Variants in MAP3K4 observed in about 807,000 individuals in gnomAD.
The protein encoded by MAP3K4 is mitogen-activated protein kinase kinase kinase 4, also known as MAP three kinase 1.
A neutral mutation model predicts 185.6 loss-of-function variants in MAP3K4; 67 were observed. That is an observed-to-expected ratio of 0.36 (90% CI 0.30 to 0.44). MAP3K4 has a LOEUF of 0.44. MAP3K4 is among the 20% of genes least tolerant of loss of function. The pLI is 1.00. For synonymous variants in MAP3K4, 702 were observed against 710.4 expected (o/e 0.99, Z 0.19); for missense variants, 1,551 against 1,995.1 (o/e 0.78, Z 4.24).
Position 161,063,770 on chromosome 6 carries a change from A to G in MAP3K4, c.1708-6838A>G, listed in dbSNP as rs73784733. Among the ~76,000 whole-genome samples, 1,144 of 152,250 alleles carry G rather than the reference A, an allele frequency of 7.5e-3. 12 individuals are homozygous for G. The highest frequency in any genetic ancestry group is 0.065 in the Middle Eastern group (19 of 294). On this transcript the variant is annotated intron_variant, in intron 3 of 26. Coordinates refer to ENST00000392142, the MANE Select transcript of MAP3K4 (RefSeq NM_005922.4). The surrounding 1 kb of genome is among the most constrained non-coding windows in gnomAD (Gnocchi z 5.4). Reference sequence around the variant, plus strand: ...GCCTTCACTCATGAATAGTGCCAAAATCATTCCTAATTTCACAGAAGTTCT... The same window carrying G: ...GCCTTCACTCATGAATAGTGCCAAAGTCATTCCTAATTTCACAGAAGTTCT...
In MAP3K4 at chr6:161,082,167, AT is replaced by A. The variant is rs1785490993; in HGVS notation, c.2255+1130del. On this transcript the variant is annotated intron_variant, in intron 6 of 26. Coordinates refer to ENST00000392142, the MANE Select transcript of MAP3K4 (RefSeq NM_005922.4). This position sits in a 1 kb window ranked among gnomAD's most constrained non-coding sequence, Gnocchi z 4.2. The stretch of plus-strand genomic sequence containing the variant: ...TCATAACTCCATCCGTCAGGCTGTG[AT>A]CCCCAGGCTGTCTTTGCTTGTCTGT... Among the ~76,000 whole-genome samples, 1 of 151,734 alleles carries A rather than the reference AT, an allele frequency of 6.6e-6. No individual in the cohort carries two copies. Among genetic ancestry groups the A allele is most frequent in the African/African-American group, 2.4e-5 (1 of 41,280 alleles).
At position 161,087,477 on chromosome 6, in the gene MAP3K4, G is replaced by A. The variant is rs1311120892; in HGVS notation, c.2557-211G>A. On this transcript the variant is annotated intron_variant, in intron 9 of 26. Transcript: ENST00000392142. This position sits in a 1 kb window ranked among gnomAD's most constrained non-coding sequence, Gnocchi z 4.9. ...TCCAATAATCGGGGAGACTCTGTAA[G>A]GCCTCTCCTCCAGTGCGTTCACAGA... Among the ~76,000 whole-genome samples the A allele has an allele frequency of 1.3e-5, 2 of 152,206 alleles. No homozygotes were observed. Among genetic ancestry groups the A allele is most frequent in the African/African-American group, 4.8e-5 (2 of 41,544 alleles).
rs1783077418 is a variant in MAP3K4 at position 161,034,581 on chromosome 6, T to TG, written c.343+133dup. ...GCTCCTGTAAAGTTCAATTTTTTTT[T>TG]GAATTATTACCATTAGTATTAATAA... is the stretch of plus-strand genomic sequence containing the variant. On this transcript the variant is annotated intron_variant, in intron 2 of 26. Transcript: ENST00000392142. The surrounding 1 kb of genome is among the most constrained non-coding windows in gnomAD (Gnocchi z 4.4). 14 of 726,582 alleles carry TG rather than the reference T, an allele frequency of 1.9e-5. No homozygotes were observed. The highest frequency in any genetic ancestry group is 3.1e-5 in the Non-Finnish European group (14 of 458,224). The allele number at this position is 726,582 out of a possible 1,614,324, so 45.0% of individuals were successfully genotyped here.
chr6:161,031,597 C>G (rs1247970026), intron 1 of MAP3K4, among the ~76,000 whole-genome samples: 1 of 152,090 alleles, frequency 6.6e-6, no homozygotes, highest in Non-Finnish European at 1.5e-5. Context: ...TATTATCAGT[C>G]CCTCCTCACA....
chr6:161,059,895 T>C (rs2114788460), intron 3 of MAP3K4, among the ~76,000 whole-genome samples: 1 of 149,594 alleles, frequency 6.7e-6, no homozygotes. Context: ...AGAAGCAGGG[T>C]CATTTATCCT....
At chr6:161,038,234 G>A (rs1386755974) in intron 2 of MAP3K4, among the ~76,000 whole-genome samples, 1 of 152,170 alleles carries the variant, frequency 6.6e-6, no homozygotes, top group Non-Finnish European at 1.5e-5. Context: ...ATGACCAACA[G>A]TACAGGCTCA....
Position 161,070,968 on chromosome 6 carries a change from CTGTT to C in MAP3K4, c.1950+122_1950+125del, listed in dbSNP as rs1214272992. The stretch of plus-strand genomic sequence containing the variant: ...AATTGTCGCAAATAGTGAAAAATGA[CTGTT>C]TGTCCATGGTTTTAAGCTGTATATT... On this transcript the variant is annotated intron_variant, in intron 4 of 26. Coordinates refer to ENST00000392142, the MANE Select transcript of MAP3K4 (RefSeq NM_005922.4). The surrounding 1 kb of genome is among the most constrained non-coding windows in gnomAD (Gnocchi z 4.5). 14 of 971,330 alleles carry C rather than the reference CTGTT, an allele frequency of 1.4e-5. No individual in the cohort carries two copies. In the East Asian group the frequency reaches 1.9e-4, roughly 13 times the overall value. 60.2% of individuals were successfully genotyped at this position (971,330 alleles called of 1,614,324 possible). A position where few individuals can be genotyped will look rare whatever the true frequency, so the allele number is the denominator to read the frequency against.
rs529232145 is a variant in MAP3K4 at position 161,071,023 on chromosome 6, T to C, written c.1950+173T>C. Among the ~76,000 whole-genome samples the C allele has an allele frequency of 5.3e-5, 8 of 152,336 alleles. No homozygotes were observed. The highest frequency in any genetic ancestry group is 1.4e-4 in the African/African-American group (6 of 41,590). The stretch of plus-strand genomic sequence containing the variant: ...TTAGGGTAATTAAAAATGTTCTTTA[T>C]ATGCGGTCCTCAAAGGTAAGATTGT... On this transcript the variant is annotated intron_variant, in intron 4 of 26. Coordinates refer to ENST00000392142, the MANE Select transcript of MAP3K4 (RefSeq NM_005922.4). The surrounding 1 kb of genome is among the most constrained non-coding windows in gnomAD (Gnocchi z 4.6).
intron 13 of MAP3K4, 85 bp from the exon 14 acceptor site, chr6:161,092,893 T>C: frequency 2.7e-6 from 2 of 747,494 alleles, no homozygotes; most frequent in Non-Finnish European, 2.3e-6. Flanking sequence ...ATTATAATTA[T>C]GTTACTTTTC....
rs1363109651 is a variant in MAP3K4 at position 161,110,766 on chromosome 6, A to G, written c.4396+852A>G. 3.9e-5 allele frequency among the ~76,000 whole-genome samples: 6 copies of G among 152,110 alleles called. No homozygotes were observed. Among genetic ancestry groups the G allele is most frequent in the Admixed American group, 1.3e-4 (2 of 15,276 alleles). The stretch of plus-strand genomic sequence containing the variant: ...TGTGGCTCACCCTGAATCACCCAGC[A>G]TACACCGGTCTCATTGGCTGCCTGC... On this transcript the variant is annotated intron_variant, in intron 23 of 26. Coordinates refer to ENST00000392142, the MANE Select transcript of MAP3K4 (RefSeq NM_005922.4). The surrounding 1 kb of genome is among the most constrained non-coding windows in gnomAD (Gnocchi z 4.8).
At chr6:161,092,948 A>G in intron 13 of MAP3K4, 30 bp from the exon 14 acceptor site, 3 of 1,391,886 alleles carry the variant, frequency 2.2e-6, no homozygotes, top group Non-Finnish European at 3.1e-6. Flanking sequence ...CTTGGTTGTT[A>G]TGTGATTACT....
intron 1 of MAP3K4, among the ~76,000 whole-genome samples, chr6:161,010,240 C>T (rs147482885): frequency 6.6e-6 from 1 of 152,188 alleles, no homozygotes; most frequent in African/African-American, 2.4e-5. Flanking sequence ...ACATGAGATG[C>T]CCAGGATGTT....
rs3050257 is a variant in MAP3K4 at position 161,047,117 on chromosome 6, C to CATATATATATATAT, written c.344-1484_344-1471dup. 3.4e-3 allele frequency among the ~76,000 whole-genome samples: 459 copies of CATATATATATATAT among 134,928 alleles called. 6 individuals are homozygous for CATATATATATATAT. Among genetic ancestry groups the CATATATATATATAT allele is most frequent in the African/African-American group, 0.013 (426 of 33,794 alleles). The allele number at this position is 134,928 out of a possible 152,430, so 88.5% of individuals were successfully genotyped here. On this transcript the variant is annotated intron_variant, in intron 2 of 26. Transcript: ENST00000392142. The stretch of plus-strand genomic sequence containing the variant: ...TATGTAGATATATATTTCACTTATG[C>CATATATATATATAT]ATATATATATATATATATATATATA...
intron 1 of MAP3K4, 194 bp downstream of exon 1, chr6:160,992,277 C>T (rs920880587): frequency 8.8e-5 from 63 of 711,970 alleles, no homozygotes; most frequent in Non-Finnish European, 1.2e-4. Flanking sequence ...GGCGACTCCT[C>T]CCGGGGTTGC....
intron 1 of MAP3K4, among the ~76,000 whole-genome samples, chr6:161,002,009 T>TCC (rs142887396): frequency 6.7e-6 from 1 of 148,432 alleles, no homozygotes; most frequent in African/African-American, 2.5e-5. Flanking sequence ...AAGAAACATT[T>TCC]CCCCCCCAAC....
At chr6:161,094,323 C>T (rs557938201) in intron 15 of MAP3K4, among the ~76,000 whole-genome samples, 1 of 152,300 alleles carries the variant, frequency 6.6e-6, no homozygotes, top group Non-Finnish European at 1.5e-5. Context: ...GTAGTAAATT[C>T]TGATTTGGTT....
rs527548763 is a variant in MAP3K4, at chr6:161,071,773, T to C, written c.1950+923T>C. ...GCTCTGTTTCCATGTTAGCTCCCCT[T>C]CCTTCTCACCCTCTTGTTTCTGGTT... On this transcript the variant is annotated intron_variant, in intron 4 of 26. Transcript: ENST00000392142. The surrounding 1 kb of genome is among the most constrained non-coding windows in gnomAD (Gnocchi z 4.6). Among the ~76,000 whole-genome samples the C allele has an allele frequency of 5.9e-5, 9 of 152,346 alleles. No individual in the cohort carries two copies. Among genetic ancestry groups the C allele is most frequent in the Middle Eastern group, 3.4e-3 (1 of 294 alleles).
At chr6:161,032,487 A>G (rs1338992321) in intron 1 of MAP3K4, among the ~76,000 whole-genome samples, 1 of 152,182 alleles carries the variant, frequency 6.6e-6, no homozygotes, top group Non-Finnish European at 1.5e-5. Context: ...TTATTTTGTA[A>G]ATGTACACAG....
chr6:161,071,632 A>C lies in MAP3K4; in HGVS notation c.1950+782A>C, dbSNP rs1185925007. Among the ~76,000 whole-genome samples, 3 of 152,216 alleles carry C rather than the reference A, an allele frequency of 2.0e-5. No individual in the cohort carries two copies. Among genetic ancestry groups the C allele is most frequent in the Non-Finnish European group, 2.9e-5 (2 of 68,042 alleles). ...TGAATACAGGTCATACAGTAGGTAC[A>C]AAATAGGATTTGTTTGTTTAATTAG... On this transcript the variant is annotated intron_variant, in intron 4 of 26. Transcript: ENST00000392142. This position sits in a 1 kb window ranked among gnomAD's most constrained non-coding sequence, Gnocchi z 4.6.
Sources: allele counts gnomAD v4.1 joint callset (sites outside exome capture counted in the v4.1 genomes callset), GRCh38; gene constraint gnomAD v4.1.1; non-coding constraint Gnocchi (gnomAD v3.1); transcripts MANE v1.5; gene names NCBI Gene and HGNC (gene_info 2026-07-23, HGNC 2026-07-21).